The following TMEM178B variants were observed in gnomAD, a reference collection of about 807,000 sequenced individuals.
TMEM178B encodes the protein transmembrane protein 178B.
TMEM178B carries 5 observed loss-of-function variants against 31.0 expected under a neutral mutation model. The observed-to-expected ratio is 0.16, with a 90% CI of 0.08 to 0.34. The LOEUF is 0.34. Among genes scored for constraint, TMEM178B ranks in the 10% least tolerant of loss-of-function variants. The pLI, the probability that TMEM178B is intolerant of heterozygous loss-of-function variation, is 1.00. For missense variants in TMEM178B, 275 were observed against 400.3 expected (o/e 0.69, Z 2.67); for synonymous variants, 164 against 164.0 (o/e 1.00, Z 0.00).
chr7:141,320,384 C>T (rs1799077447), intron 2 of TMEM178B, among the ~76,000 whole-genome samples: 1 of 152,140 alleles, frequency 6.6e-6, no homozygotes. Flanking sequence ...AGAACTCCAC[C>T]AGGCATGCAT....
chr7:141,367,472 G>A (rs147750611), intron 2 of TMEM178B, among the ~76,000 whole-genome samples: 2,789 of 151,882 alleles, frequency 0.018, 95 homozygotes, highest in African/African-American at 0.063. Context: ...ATGGGGTTTC[G>A]CCCTGTTAGC....
intron 1 of TMEM178B, among the ~76,000 whole-genome samples, chr7:141,152,612 G>C (rs1193462819): frequency 6.6e-6 from 1 of 152,164 alleles, no homozygotes; most frequent in Admixed American, 6.5e-5. Context: ...TAGCATTGTG[G>C]ACTCAGGAGC....
the TMEM178B span, among the ~76,000 whole-genome samples, chr7:141,501,317 G>GAA: frequency 6.9e-6 from 1 of 144,618 alleles, no homozygotes; most frequent in Non-Finnish European, 1.5e-5. Flanking sequence ...TTTATTAGGA[G>GAA]AAAAAAAAAA....
At chr7:141,366,727 C>T (rs1461410311) in intron 2 of TMEM178B, among the ~76,000 whole-genome samples, 1 of 152,126 alleles carries the variant, frequency 6.6e-6, no homozygotes, top group Non-Finnish European at 1.5e-5. Context: ...TTTTCTTCTT[C>T]ACTTCTGCTT....
intron 1 of TMEM178B, among the ~76,000 whole-genome samples, chr7:141,084,201 T>C (rs1794739728): frequency 6.6e-6 from 1 of 152,262 alleles, no homozygotes; most frequent in African/African-American, 2.4e-5. Context: ...CCTGCCCTCG[T>C]AGGGCTTACA....
chr7:141,394,972 T>G lies in TMEM178B; in HGVS notation c.497-42636T>G, dbSNP rs188644835. Among the ~76,000 whole-genome samples the G allele has an allele frequency of 2.6e-5, 4 of 152,334 alleles. No individual in the cohort carries two copies. In the East Asian group the frequency reaches 7.7e-4, roughly 29 times the overall value. ...ACTCTGTGACCACCTATGATCCCTTTGACCTTTCATGATCTCACAGCTTCT... is the reference window on the plus strand; with the variant it reads ...ACTCTGTGACCACCTATGATCCCTTGGACCTTTCATGATCTCACAGCTTCT... On this transcript the variant is annotated intron_variant, in intron 2 of 3. Transcript: ENST00000565468.
chr7:141,384,103 A>C (rs1182296557), intron 2 of TMEM178B, among the ~76,000 whole-genome samples: 1 of 152,112 alleles, frequency 6.6e-6, no homozygotes. Flanking sequence ...AGTTCTTTGT[A>C]GATTCCGGAT....
At chr7:141,335,200 A>G (rs891240594) in intron 2 of TMEM178B, among the ~76,000 whole-genome samples, 3 of 152,134 alleles carry the variant, frequency 2.0e-5, no homozygotes, top group African/African-American at 4.8e-5. Flanking sequence ...GGCCCAGCAG[A>G]AGGAACAAGC....
At chr7:141,323,555 C>G (rs1279226531) in intron 2 of TMEM178B, among the ~76,000 whole-genome samples, 1 of 152,120 alleles carries the variant, frequency 6.6e-6, no homozygotes, top group Non-Finnish European at 1.5e-5. Flanking sequence ...TGTTTATAGG[C>G]ATTTAGGTGG....
intron 1 of TMEM178B, among the ~76,000 whole-genome samples, chr7:141,120,188 T>C (rs898717181): frequency 7.9e-5 from 12 of 152,342 alleles, no homozygotes; most frequent in Admixed American, 5.2e-4. Flanking sequence ...AACTCTTCCC[T>C]TTAGAAGTCT....
Position 141,470,591 on chromosome 7 carries a change from G to C in TMEM178B, c.690G>C (p.Leu230=). 5 of 1,534,848 alleles carry C rather than the reference G, an allele frequency of 3.3e-6. No individual in the cohort carries two copies. The highest frequency in any genetic ancestry group is 4.4e-6 in the Non-Finnish European group (5 of 1,146,458). ...CTCVAGINFE[L]SRYPRYLYGL... The stretch of plus-strand genomic sequence containing the variant: ...GTGTGGCCGGGATCAACTTTGAGCT[G>C]TCACGCTACCCACGCTACCTGTACG... The change falls in exon 4 of 4, where the codon CTG becomes CTC. Residue 230 remains leucine (L), a synonymous_variant. Coordinates refer to ENST00000565468, the MANE Select transcript of TMEM178B (RefSeq NM_001195278.2).
chr7:141,393,075 G>A (rs1483987519), intron 2 of TMEM178B, among the ~76,000 whole-genome samples: 1 of 152,086 alleles, frequency 6.6e-6, no homozygotes, highest in East Asian at 1.9e-4. Flanking sequence ...TTAGATGCTG[G>A]GAATTCACAG....
intron 1 of TMEM178B, among the ~76,000 whole-genome samples, chr7:141,132,851 A>C (rs1795615290): frequency 6.6e-6 from 1 of 152,202 alleles, no homozygotes; most frequent in African/African-American, 2.4e-5. Context: ...ATTTCAGTTC[A>C]CTGCCACCAC....
rs980177533 is a variant in TMEM178B, at chr7:141,074,582, T to A, written c.272T>A (p.Met91Lys). Residue 91 changes from methionine (M) to lysine (K), a missense_variant, in exon 1 of 4, where the codon ATG (methionine) becomes AAG (lysine). Coordinates refer to ENST00000565468, the MANE Select transcript of TMEM178B (RefSeq NM_001195278.2). This position sits in a 1 kb window ranked among gnomAD's most constrained non-coding sequence, Gnocchi z 5.1. ...CGGAATCGCCGGCAGCTGTTCGCCA[T>A]GAGCCCCGCGGACGAGTGCAGCCGG... Reference protein sequence around the residue: ...RARNRRQLFAMSPADECSRQY... With the variant: ...RARNRRQLFAKSPADECSRQY... 1 of 1,535,898 alleles carries A rather than the reference T, an allele frequency of 6.5e-7. No homozygotes were observed. The highest frequency in any genetic ancestry group is 1.4e-5 in the African/African-American group (1 of 73,176).
intron 3 of TMEM178B, among the ~76,000 whole-genome samples, chr7:141,460,512 T>C (rs551781024): frequency 2.6e-5 from 4 of 152,352 alleles, no homozygotes; most frequent in African/African-American, 9.6e-5. Context: ...AATTCCTGTG[T>C]TTCCATGGCC....
chr7:141,481,090 G>A (rs751925116), downstream of TMEM178B, among the ~76,000 whole-genome samples: 4 of 152,192 alleles, frequency 2.6e-5, no homozygotes, highest in African/African-American at 4.8e-5. Context: ...TGCAGTCACC[G>A]CTGCTGGACT....
intron 2 of TMEM178B, among the ~76,000 whole-genome samples, chr7:141,411,452 G>A (rs541478831): frequency 6.6e-6 from 1 of 152,198 alleles, no homozygotes; most frequent in East Asian, 1.9e-4. Flanking sequence ...ATTTTTAAAG[G>A]GGGAGGAAGG....
At chr7:141,494,274 C>CTTT in the TMEM178B span, among the ~76,000 whole-genome samples, 1 of 152,232 alleles carries the variant, frequency 6.6e-6, no homozygotes, top group South Asian at 2.1e-4. Flanking sequence ...ATTCGGTGGA[C>CTTT]ACAATGACTT....
At chr7:141,229,918 G>A (rs370559268) in intron 2 of TMEM178B, among the ~76,000 whole-genome samples, 29 of 152,134 alleles carry the variant, frequency 1.9e-4, no homozygotes, top group African/African-American at 7.0e-4. Context: ...CTGTTGTGGT[G>A]TATATCCTTT....
Sources: allele counts gnomAD v4.1 joint callset (sites outside exome capture counted in the v4.1 genomes callset), GRCh38; gene constraint gnomAD v4.1.1; non-coding constraint Gnocchi (gnomAD v3.1); transcripts MANE v1.5; gene names NCBI Gene and HGNC (gene_info 2026-07-23, HGNC 2026-07-21).